The following KCNV2 variants were observed in gnomAD, a reference collection of about 807,000 sequenced individuals.
KCNV2 encodes potassium voltage-gated channel subfamily V member 2.
KCNV2 carries 65 observed loss-of-function variants against 37.0 expected under a neutral mutation model. That is an observed-to-expected ratio of 1.76 (90% CI 1.44 to 2.16). The LOEUF is 2.16. Among genes scored for constraint, KCNV2 ranks in the 30% most tolerant of loss-of-function variants. The probability of loss-of-function intolerance (pLI) is 0.00; values close to 1 mark genes in which losing one functional copy is unlikely to be tolerated. For missense variants in KCNV2, 1,232 were observed against 766.7 expected (o/e 1.61, Z -7.17); for synonymous variants, 518 against 328.6 (o/e 1.58, Z -6.23).
In KCNV2 at chr9:2,717,756, A is replaced by C; in HGVS notation, c.17A>C (p.Glu6Ala). 1 of 1,614,184 alleles carries C rather than the reference A, an allele frequency of 6.2e-7. No individual in the cohort carries two copies. Among genetic ancestry groups the C allele is most frequent in the Non-Finnish European group, 8.5e-7 (1 of 1,180,010 alleles). The change falls in exon 1 of 2, where the codon GAG becomes GCG. Residue 6 changes from glutamate to alanine, a missense_variant. Physicochemically the swap from Glu to Ala is moderately radical, Grantham distance 107. Transcript: ENST00000382082. ...TCCGCAGCCATGCTCAAACAGAGTG[A>C]GAGGAGACGGTCCTGGAGCTACAGG... MLKQS[E>A]RRRSWSYRPW...
At chr9:2,729,097 A>C (rs1406052043) in intron 1 of KCNV2, among the ~76,000 whole-genome samples, 2 of 152,144 alleles carry the variant, frequency 1.3e-5, no homozygotes, top group African/African-American at 4.8e-5. Context: ...AAGATCATTT[A>C]CTGAGCACGT....
rs1008322223 is a variant in KCNV2, at chr9:2,717,620, C to T, written c.-120C>T. On this transcript the variant is annotated 5_prime_UTR_variant, in exon 1 of 2. Transcript: ENST00000382082. The stretch of plus-strand genomic sequence containing the variant: ...TGTCTGAGCCCCTAGCTGTGCTGGT[C>T]CGGGCTGGCCTCTCTAAGACAGTGC... 2.3e-6 allele frequency: 3 copies of T among 1,302,212 alleles called. No individual in the cohort carries two copies. 80.7% of individuals were successfully genotyped at this position (1,302,212 alleles called of 1,614,324 possible).
rs1181279762 is a variant in KCNV2 at position 2,717,806 on chromosome 9, G to T, written c.67G>T (p.Gly23Cys). Residue 23 changes from glycine (G) to cysteine (C), a missense_variant, in exon 1 of 2, where the codon GGC (glycine) becomes TGC (cysteine). Gly to Cys is a radical substitution (Grantham distance 159). Transcript: ENST00000382082. Reference protein sequence around the residue: ...YRPWNTTENEGSQHRRSICSL... With the variant: ...YRPWNTTENECSQHRRSICSL... ...GCCCTGGAACACGACGGAGAATGAG[G>T]GCAGCCAACACCGCAGGAGCATTTG... 4.3e-6 allele frequency: 7 copies of T among 1,614,244 alleles called. No homozygotes were observed. The highest frequency in any genetic ancestry group is 3.3e-5 in the South Asian group (3 of 91,086).
Position 2,718,811 on chromosome 9 carries a change from G to T in KCNV2, c.1072G>T (p.Glu358Ter). ...LQLLLECFTG[E>*]GHQRGQTVGS... ...GCTGCTGCTCGAGTGCTTCACGGGC[G>T]AGGGCCACCAACGCGGCCAGACGGT... Residue 358 changes from glutamate (E) to a stop codon, truncating the protein, a stop_gained, in exon 1 of 2, where the codon GAG (glutamate) becomes TAG (stop). Transcript: ENST00000382082. LOFTEE classifies it high-confidence loss of function. 6.2e-7 allele frequency: 1 copy of T among 1,610,344 alleles called. No individual in the cohort carries two copies.
At chr9:2,723,427 C>T (rs1326278312) in intron 1 of KCNV2, among the ~76,000 whole-genome samples, 1 of 152,192 alleles carries the variant, frequency 6.6e-6, no homozygotes. Flanking sequence ...AAGAAAAATA[C>T]AGTAGTTTTC....
Position 2,718,109 on chromosome 9 carries a change from G to A in KCNV2, c.370G>A (p.Gly124Ser). 6.2e-7 allele frequency: 1 copy of A among 1,600,692 alleles called. No individual in the cohort carries two copies. The highest frequency in any genetic ancestry group is 8.5e-7 in the Non-Finnish European group (1 of 1,173,894). Residue 124 changes from glycine (G) to serine (S), a missense_variant, in exon 1 of 2, where the codon GGT becomes AGT. By Grantham distance (56) the Gly-to-Ser change is moderately conservative. Coordinates refer to ENST00000382082, the MANE Select transcript of KCNV2 (RefSeq NM_133497.4). ...ELAGFPKTRL[G>S]RLATSTSRSR... ...GGCCGGCTTCCCCAAGACGCGCCTA[G>A]GTCGCCTGGCCACCTCCACCAGCCG... is the stretch of plus-strand genomic sequence containing the variant.
chr9:2,718,244 G>T lies in KCNV2; in HGVS notation c.505G>T (p.Val169Leu), dbSNP rs768242305. 6.2e-7 allele frequency: 1 copy of T among 1,613,248 alleles called. No individual in the cohort carries two copies. Among genetic ancestry groups the T allele is most frequent in the Non-Finnish European group, 8.5e-7 (1 of 1,179,954 alleles). Residue 169 changes from valine to leucine, a missense_variant, in exon 1 of 2, where the codon GTG (valine) becomes TTG (leucine). Transcript: ENST00000382082. The stretch of plus-strand genomic sequence containing the variant: ...GGTCTACAATTTCTACCTGTCCGGG[G>T]TGCTGCTGGTGCTCGACGGGCTGTG... ...QLVYNFYLSGVLLVLDGLCPR... is the reference protein window; with the variant it reads ...QLVYNFYLSGLLLVLDGLCPR...
rs528809457 is a variant in KCNV2 at position 2,717,595 on chromosome 9, T to C, written c.-145T>C. 418 of 1,030,568 alleles carry C rather than the reference T, an allele frequency of 4.1e-4. 1 individual carries two copies. The East Asian group carries it at 0.01, about 25-fold the overall frequency. The allele number at this position is 1,030,568 out of a possible 1,614,324, so 63.8% of individuals were successfully genotyped here. A position where few individuals can be genotyped will look rare whatever the true frequency, so the allele number is the denominator to read the frequency against. ...TGAGAAGGGGCAGCTCCGGTGGCAATGTCTGAGCCCCTAGCTGTGCTGGTC... is the reference window on the plus strand; with the variant it reads ...TGAGAAGGGGCAGCTCCGGTGGCAACGTCTGAGCCCCTAGCTGTGCTGGTC... On this transcript the variant is annotated 5_prime_UTR_variant, in exon 1 of 2. The change abolishes an upstream ATG in the 5' untranslated region. Coordinates refer to ENST00000382082, the MANE Select transcript of KCNV2 (RefSeq NM_133497.4).
chr9:2,719,194 C>A, intron 1 of KCNV2, 99 bp downstream of exon 1: 1 of 1,327,422 alleles, frequency 7.5e-7, no homozygotes, highest in Non-Finnish European at 1.0e-6. Flanking sequence ...GGCTTCTGAT[C>A]CTCGTCTTCC....
intron 1 of KCNV2, among the ~76,000 whole-genome samples, chr9:2,729,216 A>C (rs1820020797): frequency 6.6e-6 from 1 of 152,190 alleles, no homozygotes; most frequent in Non-Finnish European, 1.5e-5. Context: ...CATGAGTCGT[A>C]GTCAGGATTT....
chr9:2,723,454 C>T lies in KCNV2; in HGVS notation c.1356+4359C>T, dbSNP rs536277700. Among the ~76,000 whole-genome samples the T allele has an allele frequency of 2.0e-5, 3 of 152,280 alleles. No individual in the cohort carries two copies. The South Asian group carries it at 6.2e-4, about 32-fold the overall frequency. ...GTAGTTTTCATTACTGTGAATTCTC[C>T]TGCAGCTGCAAAACAAATCCCTCCT... On this transcript the variant is annotated intron_variant, in intron 1 of 1. Coordinates refer to ENST00000382082, the MANE Select transcript of KCNV2 (RefSeq NM_133497.4).
chr9:2,725,813 A>G (rs1713671520), intron 1 of KCNV2, among the ~76,000 whole-genome samples: 1 of 152,192 alleles, frequency 6.6e-6, no homozygotes. Context: ...GAGGGAAACA[A>G]ACTTGTCTTG....
chr9:2,721,351 A>G (rs1819864369), intron 1 of KCNV2, among the ~76,000 whole-genome samples: 1 of 152,236 alleles, frequency 6.6e-6, no homozygotes, highest in Non-Finnish European at 1.5e-5. Flanking sequence ...GAATATTCTA[A>G]GACCGCTCTG....
chr9:2,722,604 A>T lies in KCNV2; in HGVS notation c.1356+3509A>T, dbSNP rs953697177. 1.6e-3 allele frequency among the ~76,000 whole-genome samples: 204 copies of T among 131,300 alleles called. 3 individuals are homozygous for T. The highest frequency in any genetic ancestry group is 7.6e-4 in the Non-Finnish European group (51 of 67,232). The allele number at this position is 131,300 out of a possible 152,430, so 86.1% of individuals were successfully genotyped here. A position where few individuals can be genotyped will look rare whatever the true frequency, so the allele number is the denominator to read the frequency against. The stretch of plus-strand genomic sequence containing the variant: ...ATAAATTAGAAGTTATTTATTTATA[A>T]ATAAATTAGAAGTTATTTATTTATA... On this transcript the variant is annotated intron_variant, in intron 1 of 1. Coordinates refer to ENST00000382082, the MANE Select transcript of KCNV2 (RefSeq NM_133497.4).
intron 1 of KCNV2, among the ~76,000 whole-genome samples, chr9:2,721,741 G>A (rs1304638802): frequency 6.6e-6 from 1 of 152,112 alleles, no homozygotes. Flanking sequence ...TTCAGGTATT[G>A]GCATAGCTTG....
Position 2,717,677 on chromosome 9 carries a change from G to A in KCNV2, c.-63G>A, listed in dbSNP as rs547624032. On this transcript the variant is annotated 5_prime_UTR_variant, in exon 1 of 2. Coordinates refer to ENST00000382082, the MANE Select transcript of KCNV2 (RefSeq NM_133497.4). ...CGTGATCCATCCTCCTAGAGGCAGT[G>A]AGCAGGTGAGGGACCCCTACCACAG... 1.0e-5 allele frequency: 16 copies of A among 1,606,078 alleles called. No homozygotes were observed. The East Asian group carries it at 1.1e-4, about 11-fold the overall frequency.
At chr9:2,722,540 T>TTTATAAA (rs1819897573) in intron 1 of KCNV2, among the ~76,000 whole-genome samples, 1 of 140,050 alleles carries the variant, frequency 7.1e-6, no homozygotes, top group African/African-American at 2.8e-5. Flanking sequence ...TATAAATAAA[T>TTTATAAA]TAGAAGTTAT....
At chr9:2,719,645 C>T (rs1819827820) in intron 1 of KCNV2, among the ~76,000 whole-genome samples, 1 of 152,198 alleles carries the variant, frequency 6.6e-6, no homozygotes, top group Non-Finnish European at 1.5e-5. Context: ...CTGAAACTTG[C>T]TCTGACTTCA....
rs143664586 is a variant in KCNV2, at chr9:2,718,868, C to A, written c.1129C>A (p.Arg377Ser). ...CGTGGGTAAGGTGGGTCAGGTGTTGCGCGTCATGCGCCTCATGCGCATCTT... is the reference window on the plus strand; with the variant it reads ...CGTGGGTAAGGTGGGTCAGGTGTTGAGCGTCATGCGCCTCATGCGCATCTT... ...GSVGKVGQVLRVMRLMRIFRI... is the reference protein window; with the variant it reads ...GSVGKVGQVLSVMRLMRIFRI... The change falls in exon 1 of 2, where the codon CGC becomes AGC. Residue 377 changes from arginine (R) to serine (S), a missense_variant. Transcript: ENST00000382082. 1.2e-6 allele frequency: 2 copies of A among 1,608,874 alleles called. No individual in the cohort carries two copies. The highest frequency in any genetic ancestry group is 1.7e-5 in the Admixed American group (1 of 60,028).
Sources: allele counts gnomAD v4.1 joint callset (sites outside exome capture counted in the v4.1 genomes callset), GRCh38; gene constraint gnomAD v4.1.1; transcripts MANE v1.5; gene names NCBI Gene and HGNC (gene_info 2026-07-23, HGNC 2026-07-21).